PCDH11X: variants seen among roughly 807,000 people sequenced by gnomAD.
PCDH11X encodes the protein protocadherin 11 X-linked, also known as protocadherin-11 X-linked.
PCDH11X carries 18 observed loss-of-function variants against 53.3 expected under a neutral mutation model. The ratio of observed to expected loss-of-function variants is 0.34; its 90% confidence interval spans 0.23 to 0.50. PCDH11X has a LOEUF of 0.50. Ranked by LOEUF, PCDH11X falls within the 20% of genes least tolerant of loss-of-function variation. The pLI is 0.98. For missense variants in PCDH11X, 570 were observed against 1,032.4 expected (o/e 0.55, Z 6.14); for synonymous variants, 279 against 393.3 (o/e 0.71, Z 3.44).
In PCDH11X at chrX:92,514,939, C is replaced by T. The variant is rs777053741; in HGVS notation, c.3367+46617C>T. 1.6e-3 allele frequency among the ~76,000 whole-genome samples: 163 copies of T among 99,834 alleles called. 1 individual carries two copies. The highest frequency in any genetic ancestry group is 5.4e-3 in the African/African-American group (145 of 26,755). 86.7% of individuals were successfully genotyped at this position (99,834 alleles called of 115,157 possible). On this transcript the variant is annotated intron_variant, in intron 10 of 10. Transcript: ENST00000682573. Reference sequence around the variant, plus strand: ...GCGGGTGCCTGTAGTCCCAGCTACTCGGGAGGCTGAGGCAGGAAAATGGCG... The same window carrying T: ...GCGGGTGCCTGTAGTCCCAGCTACTTGGGAGGCTGAGGCAGGAAAATGGCG...
chrX:92,203,516 G>A, intron 7 of PCDH11X, among the ~76,000 whole-genome samples: 1 of 112,409 alleles, frequency 8.9e-6, no homozygotes, highest in Middle Eastern at 4.6e-3. Context: ...GTGAAGTTTT[G>A]CCACGTTTGA....
intron 6 of PCDH11X, among the ~76,000 whole-genome samples, chrX:92,094,133 ATGTGTGTGTGTGTGTGTG>A (rs58997781): frequency 1.8e-4 from 17 of 94,242 alleles, no homozygotes; most frequent in Admixed American, 1.7e-3. Flanking sequence ...AAAAAGTAAT[ATGTGTGTGTGTGTGTGTG>A]TGTGTGTGTG....
At chrX:92,352,226 T>C (rs1417953012) in intron 8 of PCDH11X, among the ~76,000 whole-genome samples, 6 of 112,012 alleles carry the variant, frequency 5.4e-5, no homozygotes. Context: ...TAGTGTTTTA[T>C]AGAGAAAAGG....
rs1422942764 is a variant in PCDH11X at position 92,243,405 on chromosome X, G to A, written c.3115-19709G>A. On this transcript the variant is annotated intron_variant, in intron 7 of 10. Transcript: ENST00000682573. ...CACTTTTGCGCCCTTTTCAAAAATC[G>A]ATCAGACATTTGTGAGAATTTATTT... Among the ~76,000 whole-genome samples the A allele has an allele frequency of 6.4e-5, 7 of 109,930 alleles. 1 individual carries two copies. Among genetic ancestry groups the A allele is most frequent in the African/African-American group, 1.6e-4 (5 of 30,320 alleles).
At chrX:92,449,013 C>T (rs1000455444) in intron 9 of PCDH11X, among the ~76,000 whole-genome samples, 9 of 111,894 alleles carry the variant, frequency 8.0e-5, no homozygotes, top group African/African-American at 2.9e-4. Context: ...GCAGATAGGA[C>T]TTTTCTAAAG....
At chrX:92,293,360 G>C (rs1160230832) in intron 8 of PCDH11X, among the ~76,000 whole-genome samples, 3 of 110,473 alleles carry the variant, frequency 2.7e-5, no homozygotes, top group Non-Finnish European at 1.9e-5. Flanking sequence ...CACGGTGGCT[G>C]AGGCCTGTAA....
chrX:92,245,466 AGT>A (rs1324107865), intron 7 of PCDH11X, among the ~76,000 whole-genome samples: 1 of 112,664 alleles, frequency 8.9e-6, no homozygotes, highest in Non-Finnish European at 1.9e-5. Flanking sequence ...ATGAAGAAAA[AGT>A]TGCCAGACTA....
intron 8 of PCDH11X, among the ~76,000 whole-genome samples, chrX:92,365,417 T>TA (rs1407193195): frequency 9.0e-6 from 1 of 110,537 alleles, no homozygotes; most frequent in South Asian, 3.9e-4. Context: ...ATTGTTTTTT[T>TA]AAAAAGTAAA....
chrX:92,235,546 G>T (rs2067154528), intron 7 of PCDH11X, among the ~76,000 whole-genome samples: 1 of 111,669 alleles, frequency 9.0e-6, no homozygotes, highest in South Asian at 3.7e-4. Context: ...ATTTTCTGCA[G>T]ATGGAATTTT....
chrX:91,788,923 G>A (rs981987324), intron 1 of PCDH11X, among the ~76,000 whole-genome samples: 15 of 111,883 alleles, frequency 1.3e-4, no homozygotes, highest in Non-Finnish European at 2.8e-4. Context: ...GTGTTGGCTG[G>A]TCGCAGCGGC....
chrX:92,346,333 GT>G (rs896340446), intron 8 of PCDH11X, among the ~76,000 whole-genome samples: 1 of 111,045 alleles, frequency 9.0e-6, no homozygotes, highest in African/African-American at 3.3e-5. Flanking sequence ...TGGGTAATTT[GT>G]TGATGGAGAG....
At chrX:92,281,084 C>G (rs2068241823) in intron 8 of PCDH11X, among the ~76,000 whole-genome samples, 2 of 110,953 alleles carry the variant, frequency 1.8e-5, no homozygotes, top group Non-Finnish European at 3.8e-5. Flanking sequence ...AATGAGGGCC[C>G]TTTGTGAACT....
At chrX:92,325,325 T>C (rs1275463577) in intron 8 of PCDH11X, among the ~76,000 whole-genome samples, 1 of 110,898 alleles carries the variant, frequency 9.0e-6, no homozygotes, top group African/African-American at 3.3e-5. Flanking sequence ...AGGAAGGAAA[T>C]GATAGAAACA....
At chrX:92,032,261 CT>C (rs200243843) in intron 6 of PCDH11X, among the ~76,000 whole-genome samples, 9,130 of 110,324 alleles carry the variant, frequency 0.083, 390 homozygotes, top group East Asian at 0.29. Flanking sequence ...AATGGGCTTA[CT>C]TTTTTTTCCT....
intron 8 of PCDH11X, 21 bp downstream of exon 8, chrX:92,263,164 G>T (rs1204754001): frequency 4.3e-6 from 5 of 1,158,370 alleles, no homozygotes; most frequent in Non-Finnish European, 5.8e-6. Flanking sequence ...AAATTTCAAA[G>T]AAAATTGATT....
intron 10 of PCDH11X, among the ~76,000 whole-genome samples, chrX:92,574,947 A>C (rs34527644): frequency 0.062 from 6,888 of 110,397 alleles, 189 homozygotes; most frequent in South Asian, 0.19. Context: ...AACATTTTGG[A>C]AAAAATGTCT....
chrX:92,548,776 C>T (rs1180196197), intron 10 of PCDH11X, among the ~76,000 whole-genome samples: 1 of 110,266 alleles, frequency 9.1e-6, no homozygotes, highest in African/African-American at 3.3e-5. Flanking sequence ...AAAAGGTACA[C>T]TTGTTTTTCA....
At chrX:92,113,894 G>A (rs750959036) in intron 6 of PCDH11X, 308 of 1,199,278 alleles carry the variant, frequency 2.6e-4, no homozygotes, top group South Asian at 5.7e-4. Flanking sequence ...TTGAATCCAC[G>A]GCTTAACATT....
intron 10 of PCDH11X, among the ~76,000 whole-genome samples, chrX:92,500,414 T>G (rs1367926632): frequency 1.8e-5 from 2 of 110,907 alleles, no homozygotes; most frequent in Non-Finnish European, 3.8e-5. Context: ...TATTTCCAGT[T>G]GGTTTTCTTT....
Sources: allele counts gnomAD v4.1 joint callset (sites outside exome capture counted in the v4.1 genomes callset), GRCh38; gene constraint gnomAD v4.1.1; transcripts MANE v1.5; gene names NCBI Gene and HGNC (gene_info 2026-07-23, HGNC 2026-07-21).